Variants in PPP1R10 observed in about 807,000 individuals in gnomAD.
PPP1R10 encodes protein phosphatase 1 regulatory subunit 10, also known as serine/threonine-protein phosphatase 1 regulatory subunit 10.
A neutral mutation model predicts 99.0 loss-of-function variants in PPP1R10; 15 were observed. That is an observed-to-expected ratio of 0.15 (90% CI 0.10 to 0.23). The LOEUF is 0.23. PPP1R10 is among the 10% of genes least tolerant of loss of function. PPP1R10 has a pLI of 1.00. For missense variants in PPP1R10, 947 were observed against 1,259.4 expected (o/e 0.75, Z 3.75); for synonymous variants, 430 against 449.5 (o/e 0.96, Z 0.55).
chr6:30,607,261 G>A (rs963058331), intron 6 of PPP1R10, among the ~76,000 whole-genome samples: 37 of 152,150 alleles, frequency 2.4e-4, no homozygotes, highest in Admixed American at 5.9e-4. Flanking sequence ...CTCAAAAACT[G>A]ACATTTTTTT....
chr6:30,613,915 G>A (rs571298296), intron 2 of PPP1R10, among the ~76,000 whole-genome samples: 5 of 152,292 alleles, frequency 3.3e-5, no homozygotes, highest in East Asian at 3.9e-4. Flanking sequence ...CATGTGAAGA[G>A]TCCCTCCCAT....
rs1340066371 is a variant in PPP1R10 at position 30,604,082 on chromosome 6, G to A, written c.1434C>T (p.Ser478=). ...VLPSPLVTPG[S]NSQERYIQAE... is the part of the protein sequence containing the mutation. Reference sequence around the variant, plus strand: ...CCTGGATATATCGCTCCTGACTATTGCTTCCAGGGGTGACAAGAGGTGAGG... The same window carrying A: ...CCTGGATATATCGCTCCTGACTATTACTTCCAGGGGTGACAAGAGGTGAGG... Residue 478 remains serine, a synonymous_variant, in exon 14 of 20, where the codon AGC becomes AGT. Coordinates refer to ENST00000376511, the MANE Select transcript of PPP1R10 (RefSeq NM_002714.4). This position sits in a 1 kb window ranked among gnomAD's most constrained non-coding sequence, Gnocchi z 7.3. 1 of 1,613,970 alleles carries A rather than the reference G, an allele frequency of 6.2e-7. No homozygotes were observed.
rs1803298458 is a variant in PPP1R10, at chr6:30,601,411, A to C, written c.*138T>G. The C allele has an allele frequency of 2.9e-6, 2 of 681,186 alleles. No individual in the cohort carries two copies. The highest frequency in any genetic ancestry group is 5.0e-6 in the Non-Finnish European group (2 of 397,344). The allele number at this position is 681,186 out of a possible 1,614,324, so 42.2% of individuals were successfully genotyped here. A position where few individuals can be genotyped will look rare whatever the true frequency, so the allele number is the denominator to read the frequency against. On this transcript the variant is annotated 3_prime_UTR_variant, in exon 20 of 20. Coordinates refer to ENST00000376511, the MANE Select transcript of PPP1R10 (RefSeq NM_002714.4). The stretch of plus-strand genomic sequence containing the variant: ...GTGATCAGAAAACCCCCAGGAACCC[A>C]AGCAAGTGGGAACTGAGGGGGCCGG...
At chr6:30,615,645 C>A (rs1190853607) in intron 2 of PPP1R10, among the ~76,000 whole-genome samples, 2 of 152,182 alleles carry the variant, frequency 1.3e-5, no homozygotes, top group Non-Finnish European at 2.9e-5. Flanking sequence ...AAATTATACT[C>A]CTAAATTCCA....
intron 2 of PPP1R10, among the ~76,000 whole-genome samples, chr6:30,612,205 A>G (rs1804632479): frequency 6.6e-6 from 1 of 152,220 alleles, no homozygotes; most frequent in African/African-American, 2.4e-5. Context: ...ATCATTTCAA[A>G]CCAGTTACCC....
intron 10 of PPP1R10, 59 bp downstream of exon 10, chr6:30,605,864 A>C: frequency 1.5e-6 from 2 of 1,334,330 alleles, no homozygotes; most frequent in Non-Finnish European, 2.0e-6. Context: ...TGTCTCCAAA[A>C]AAAAAAAAAA....
rs749316725 is a variant in PPP1R10, at chr6:30,606,040, C to T, written c.741-5G>A. The T allele has an allele frequency of 1.2e-6, 2 of 1,613,740 alleles. No individual in the cohort carries two copies. The highest frequency in any genetic ancestry group is 3.3e-5 in the Admixed American group (2 of 59,976). The stretch of plus-strand genomic sequence containing the variant: ...TCTCCTGGAGCAGCTACGTTGCTGT[C>T]AGAAGAGGAACTGTCATCAACATCT... On this transcript the variant is annotated splice_polypyrimidine_tract_variant and splice_region_variant and intron_variant, in intron 9 of 19. Coordinates refer to ENST00000376511, the MANE Select transcript of PPP1R10 (RefSeq NM_002714.4). The surrounding 1 kb of genome is among the most constrained non-coding windows in gnomAD (Gnocchi z 6.3).
Position 30,617,038 on chromosome 6 carries a change from T to C in PPP1R10, c.-532-40A>G, listed in dbSNP as rs146907031. 2.0e-5 allele frequency: 3 copies of C among 152,526 alleles called. No homozygotes were observed. The East Asian group carries it at 5.8e-4, about 29-fold the overall frequency. The allele number at this position is 152,526 out of a possible 1,614,324, so 9.4% of individuals were successfully genotyped here. ...ACACAAGGGAGAAAGATGTAATCAGTACGGGTTGCTTCAAAACACTCACAA... is the reference window on the plus strand; with the variant it reads ...ACACAAGGGAGAAAGATGTAATCAGCACGGGTTGCTTCAAAACACTCACAA... On this transcript the variant is annotated intron_variant, in intron 1 of 19. Coordinates refer to ENST00000376511, the MANE Select transcript of PPP1R10 (RefSeq NM_002714.4).
rs894911360 is a variant in PPP1R10, at chr6:30,605,025, T to C, written c.923A>G (p.Lys308Arg). ...AGCCGTAGGTGACAGTACTTTTTTT[T>C]TCTTCTTAATTTTGATGCCTGGAAC... ...APVPGIKIKK[K>R]KKVLSPTAAK... Residue 308 changes from lysine (K) to arginine (R), a missense_variant, in exon 11 of 20, where the codon AAA becomes AGA. By Grantham distance (26) the Lys-to-Arg change is conservative. Coordinates refer to ENST00000376511, the MANE Select transcript of PPP1R10 (RefSeq NM_002714.4). 1.2e-6 allele frequency: 2 copies of C among 1,613,070 alleles called. No homozygotes were observed. Among genetic ancestry groups the C allele is most frequent in the Non-Finnish European group, 1.7e-6 (2 of 1,180,030 alleles).
In PPP1R10 at chr6:30,604,574, A is replaced by C. The variant is rs758160170; in HGVS notation, c.1102+14T>G. On this transcript the variant is annotated intron_variant, in intron 12 of 19. Coordinates refer to ENST00000376511, the MANE Select transcript of PPP1R10 (RefSeq NM_002714.4). This position sits in a 1 kb window ranked among gnomAD's most constrained non-coding sequence, Gnocchi z 7.3. Reference sequence around the variant, plus strand: ...TTCAGAAAACCCCCCAAACTGAACCAGTTTCTAGATTACCTGTATCCATGA... The same window carrying C: ...TTCAGAAAACCCCCCAAACTGAACCCGTTTCTAGATTACCTGTATCCATGA... 3 of 1,612,802 alleles carry C rather than the reference A, an allele frequency of 1.9e-6. No homozygotes were observed. Among genetic ancestry groups the C allele is most frequent in the African/African-American group, 2.7e-5 (2 of 74,902 alleles).
chr6:30,602,796 G>T lies in PPP1R10; in HGVS notation c.1957+50C>A. The T allele has an allele frequency of 6.5e-7, 1 of 1,546,778 alleles. No individual in the cohort carries two copies. Among genetic ancestry groups the T allele is most frequent in the Non-Finnish European group, 8.8e-7 (1 of 1,139,930 alleles). On this transcript the variant is annotated intron_variant, in intron 18 of 19. Transcript: ENST00000376511. The surrounding 1 kb of genome is among the most constrained non-coding windows in gnomAD (Gnocchi z 6.7). ...TCCAGTCAATCCTATACTATTATCA[G>T]ACTGAAATTAAGCAGATAAGCCCAT...
chr6:30,616,040 T>C (rs1760485489), intron 2 of PPP1R10, among the ~76,000 whole-genome samples: 1 of 152,232 alleles, frequency 6.6e-6, no homozygotes. Context: ...GCACCCTGCT[T>C]GTCTCACACA....
intron 2 of PPP1R10, among the ~76,000 whole-genome samples, chr6:30,615,892 C>A (rs1182908275): frequency 1.3e-5 from 2 of 152,146 alleles, no homozygotes; most frequent in African/African-American, 2.4e-5. Context: ...CACAAATATA[C>A]CCCAAGCAAA....
At position 30,603,994 on chromosome 6, in the gene PPP1R10, C is replaced by T. The variant is rs769524092; in HGVS notation, c.1508+14G>A. On this transcript the variant is annotated intron_variant, in intron 14 of 19. Coordinates refer to ENST00000376511, the MANE Select transcript of PPP1R10 (RefSeq NM_002714.4). ...GCACTCAACATCCCAGGGCACGAAC[C>T]CCACTCTGCTCACCTCTCCTTGTTC... The T allele has an allele frequency of 6.4e-7, 1 of 1,568,942 alleles. No individual in the cohort carries two copies. Among genetic ancestry groups the T allele is most frequent in the African/African-American group, 1.4e-5 (1 of 73,754 alleles).
Position 30,606,785 on chromosome 6 carries a change from G to A in PPP1R10, c.454C>T (p.Pro152Ser). ...AAAGGACTAAGGAGCTTACCAGCAG[G>A]CTGGGTACTGCTCTGAGAGCGGATG... Reference protein sequence around the residue: ...AVIRSQSSTQPAEKDKKKRKD... With the variant: ...AVIRSQSSTQSAEKDKKKRKD... The change falls in exon 7 of 20, where the codon CCT becomes TCT. Residue 152 changes from proline to serine, a missense_variant. Pro to Ser is a moderately conservative substitution (Grantham distance 74). Transcript: ENST00000376511. The surrounding 1 kb of genome is among the most constrained non-coding windows in gnomAD (Gnocchi z 6.3). 1.2e-6 allele frequency: 2 copies of A among 1,613,960 alleles called. No homozygotes were observed. Among genetic ancestry groups the A allele is most frequent in the South Asian group, 2.2e-5 (2 of 91,068 alleles).
Position 30,602,939 on chromosome 6 carries a change from G to T in PPP1R10, c.1864C>A (p.Pro622Thr), listed in dbSNP as rs1317325629. 6.4e-7 allele frequency: 1 copy of T among 1,551,700 alleles called. No homozygotes were observed. The highest frequency in any genetic ancestry group is 8.7e-7 in the Non-Finnish European group (1 of 1,147,026). ...GGGAAACCATTGGCTATTGGGCCAGGGCCTAGGAGTCCATGTGGCACTGTT... is the reference window on the plus strand; with the variant it reads ...GGGAAACCATTGGCTATTGGGCCAGTGCCTAGGAGTCCATGTGGCACTGTT... ...QMLVPHGLLG[P>T]GPIANGFPPG... Residue 622 changes from proline (P) to threonine (T), a missense_variant, in exon 18 of 20, where the codon CCT becomes ACT. Physicochemically the swap from Pro to Thr is conservative, Grantham distance 38. Coordinates refer to ENST00000376511, the MANE Select transcript of PPP1R10 (RefSeq NM_002714.4). The surrounding 1 kb of genome is among the most constrained non-coding windows in gnomAD (Gnocchi z 6.7).
intron 2 of PPP1R10, among the ~76,000 whole-genome samples, chr6:30,610,997 T>A (rs1804496752): frequency 6.6e-6 from 1 of 152,218 alleles, no homozygotes; most frequent in African/African-American, 2.4e-5. Context: ...ACACTGCCTC[T>A]AAATACTTGC....
At chr6:30,613,802 G>A (rs1367751444) in intron 2 of PPP1R10, among the ~76,000 whole-genome samples, 3 of 152,116 alleles carry the variant, frequency 2.0e-5, no homozygotes, top group Non-Finnish European at 4.4e-5. Context: ...AACCCCAGTG[G>A]GTAGAATGTT....
In PPP1R10 at chr6:30,604,728, G is replaced by A. The variant is rs1430545804; in HGVS notation, c.962C>T (p.Pro321Leu). The change falls in exon 12 of 20, where the codon CCC becomes CTC. Residue 321 changes from proline (P) to leucine (L), a missense_variant. Physicochemically the swap from Pro to Leu is moderately conservative, Grantham distance 98. Coordinates refer to ENST00000376511, the MANE Select transcript of PPP1R10 (RefSeq NM_002714.4). This position sits in a 1 kb window ranked among gnomAD's most constrained non-coding sequence, Gnocchi z 7.3. ...VLSPTAAKPS[P>L]FEGKTSTEPS... ...TTCTGTGCTCGTTTTCCCTTCAAAG[G>A]GGCTTGGCTATTGTGAAAGAAAAGG... The A allele has an allele frequency of 1.2e-6, 2 of 1,612,912 alleles. No homozygotes were observed. Among genetic ancestry groups the A allele is most frequent in the East Asian group, 2.2e-5 (1 of 44,904 alleles).
Sources: gnomAD v4.1 joint callset for allele counts (sites outside exome capture counted in the v4.1 genomes callset) on GRCh38, gnomAD v4.1.1 for gene constraint, Gnocchi (gnomAD v3.1) non-coding constraint, MANE v1.5 for transcripts, NCBI Gene and HGNC (gene_info 2026-07-23, HGNC 2026-07-21) for gene names.